Variants in ADGRF1 observed in about 807,000 individuals in gnomAD.
ADGRF1 encodes the protein G protein-coupled receptor 110.
Under a neutral mutation model 87.2 loss-of-function variants are expected in ADGRF1, and 85 were observed. The ratio of observed to expected loss-of-function variants is 0.97; its 90% CI spans 0.82 to 1.17. The LOEUF (loss-of-function observed/expected upper bound fraction) is 1.17. Among genes scored for constraint, ADGRF1 ranks in the 50% most tolerant of loss-of-function variants. The pLI, the probability that ADGRF1 is intolerant of heterozygous loss-of-function variation, is 0.00. For missense variants in ADGRF1, 1,169 were observed against 1,077.2 expected (o/e 1.09, Z -1.19); for synonymous variants, 430 against 408.8 (o/e 1.05, Z -0.63).
intron 7 of ADGRF1, chr6:47,018,647 C>T (rs1472246181): frequency 1.6e-6 from 2 of 1,277,742 alleles, no homozygotes; most frequent in East Asian, 5.6e-5. Flanking sequence ...CATGGTGACT[C>T]ATGCCTGTAA....
chr6:47,034,793 T>G (rs1261046510), intron 1 of ADGRF1, among the ~76,000 whole-genome samples: 1 of 152,208 alleles, frequency 6.6e-6, no homozygotes, highest in East Asian at 1.9e-4. Context: ...GAGTCCAGTT[T>G]GTGACCCTAC....
chr6:47,036,027 T>G (rs527520782), intron 1 of ADGRF1, among the ~76,000 whole-genome samples: 31 of 152,242 alleles, frequency 2.0e-4, no homozygotes, highest in Non-Finnish European at 4.3e-4. Context: ...GCTCAGGAGT[T>G]CGAGACCAGC....
chr6:47,009,439 A>AGT lies in ADGRF1; in HGVS notation c.1994_1995dup (p.Phe666ThrfsTer33). ...CAGAAGAACAAAGAGAGGTAGAAGA[A>AGT]GTGTGTAAAGAACACAGCAGCTGTG... On this transcript the variant is annotated frameshift_variant, in exon 11 of 15. Transcript: ENST00000371253. LOFTEE classifies it high-confidence loss of function. 1 of 1,613,948 alleles carries AGT rather than the reference A, an allele frequency of 6.2e-7. No individual in the cohort carries two copies. Among genetic ancestry groups the AGT allele is most frequent in the South Asian group, 1.1e-5 (1 of 91,050 alleles).
In ADGRF1 at chr6:47,013,218, G is replaced by A. The variant is rs79722663; in HGVS notation, c.928-1023C>T. 1.1e-4 allele frequency: 111 copies of A among 985,488 alleles called. No individual in the cohort carries two copies. The African/African-American group carries it at 1.8e-3, about 16-fold the overall frequency. The allele number at this position is 985,488 out of a possible 1,614,324, so 61.0% of individuals were successfully genotyped here. On this transcript the variant is annotated intron_variant, in intron 9 of 14. Coordinates refer to ENST00000371253, the MANE Select transcript of ADGRF1 (RefSeq NM_153840.4). ...CCAAGTGCCCGCCATTTTCCTTCTTGTTCTTCTCAACTGACAATGCTGTTT... is the reference window on the plus strand; with the variant it reads ...CCAAGTGCCCGCCATTTTCCTTCTTATTCTTCTCAACTGACAATGCTGTTT...
chr6:47,032,777 T>G (rs1327852337), intron 1 of ADGRF1, among the ~76,000 whole-genome samples: 1 of 152,228 alleles, frequency 6.6e-6, no homozygotes, highest in Non-Finnish European at 1.5e-5. Flanking sequence ...TTATAGTTAC[T>G]TGCTGGATTG....
intron 7 of ADGRF1, chr6:47,020,107 C>T (rs1780001102): frequency 9.7e-7 from 1 of 1,028,068 alleles, no homozygotes; most frequent in Non-Finnish European, 1.2e-6. Context: ...CCACTGTCAC[C>T]ATGATCTCCT....
At chr6:47,002,036 T>C (rs1190458857) in intron 13 of ADGRF1, 3 of 154,732 alleles carry the variant, frequency 1.9e-5, no homozygotes, top group Admixed American at 1.9e-4. Flanking sequence ...AGAGGCTATA[T>C]AGAGTTCAAT....
intron 9 of ADGRF1, 25 bp from the exon 10 acceptor site, chr6:47,012,220 T>C (rs772189684): frequency 6.2e-7 from 1 of 1,601,980 alleles, no homozygotes; most frequent in East Asian, 2.2e-5. Context: ...GGTTAAGTTC[T>C]AGAAAACAAT....
chr6:46,998,672 C>T lies in ADGRF1; in HGVS notation c.*1550G>A, dbSNP rs1176808991. 1 of 152,236 alleles carries T rather than the reference C, an allele frequency of 6.6e-6. No individual in the cohort carries two copies. 9.4% of individuals were successfully genotyped at this position (152,236 alleles called of 1,614,324 possible). On this transcript the variant is annotated 3_prime_UTR_variant, in exon 15 of 15. Coordinates refer to ENST00000371253, the MANE Select transcript of ADGRF1 (RefSeq NM_153840.4). ...CTGAGCTATCTGAGAAATCTTCTCT[C>T]ACTAAATTTGAGGTCAAGGAGCAGA... is the stretch of plus-strand genomic sequence containing the variant.
Position 47,027,172 on chromosome 6 carries a change from A to T in ADGRF1, c.127+532T>A, listed in dbSNP as rs115702753. 9.4e-4 allele frequency among the ~76,000 whole-genome samples: 143 copies of T among 152,352 alleles called. 1 individual carries two copies. Among genetic ancestry groups the T allele is most frequent in the African/African-American group, 3.1e-3 (130 of 41,582 alleles). ...TTTTACTGTCAGGGAAATTGTATTC[A>T]TGTCATTCCAAGTTGAAATTTTGAT... On this transcript the variant is annotated intron_variant, in intron 3 of 14. Coordinates refer to ENST00000371253, the MANE Select transcript of ADGRF1 (RefSeq NM_153840.4).
intron 2 of ADGRF1, among the ~76,000 whole-genome samples, chr6:47,028,489 C>T (rs1780311095): frequency 6.6e-6 from 1 of 152,066 alleles, no homozygotes; most frequent in Non-Finnish European, 1.5e-5. Context: ...TTCCGAGGTC[C>T]GCTGGATTCC....
At position 47,009,167 on chromosome 6, in the gene ADGRF1, A is replaced by G; in HGVS notation, c.2268T>C (p.Ala756=). The G allele has an allele frequency of 6.2e-7, 1 of 1,614,190 alleles. No homozygotes were observed. The highest frequency in any genetic ancestry group is 8.5e-7 in the Non-Finnish European group (1 of 1,180,034). ...CTAGCAGCACCACAACGAAGTTCAC[A>G]GCCACAATAGCCAGTGCAGGGACAA... ...AFVVPALAIV[A]VNFVVVLLVL... is the part of the protein sequence containing the mutation. Residue 756 remains alanine (A), a synonymous_variant, in exon 11 of 15, where the codon GCT becomes GCC. Transcript: ENST00000371253.
At position 47,009,070 on chromosome 6, in the gene ADGRF1, C is replaced by A. The variant is rs145194935; in HGVS notation, c.2365G>T (p.Val789Leu). ...SRDDKATIIRVGKSLLILTPL... is the reference protein window; with the variant it reads ...SRDDKATIIRLGKSLLILTPL... ...GTCAGAATGAGGAGGCTCTTCCCCA[C>A]GCGGATGATGGTGGCCTTGTCATCC... The change falls in exon 11 of 15, where the codon GTG becomes TTG. Residue 789 changes from valine to leucine, a missense_variant. Transcript: ENST00000371253. 1.3e-5 allele frequency: 21 copies of A among 1,613,972 alleles called. No individual in the cohort carries two copies. In the African/African-American group the frequency reaches 1.7e-4, roughly 13 times the overall value.
rs759755689 is a variant in ADGRF1, at chr6:47,016,647, C to A, written c.733G>T (p.Glu245Ter). ...KTALHKLFPL[E>*]DGSFRVFGKA... ...CCGAACACTCTGAAAGAGCCGTCTT[C>A]TAATGGAAACAGCTTGTGAAGGGCT... Residue 245 changes from glutamate to a stop codon, truncating the protein, a stop_gained, in exon 8 of 15, where the codon GAA (glutamate) becomes TAA (stop). Transcript: ENST00000371253. LOFTEE classifies it high-confidence loss of function. 1.9e-6 allele frequency: 3 copies of A among 1,610,504 alleles called. No homozygotes were observed. In the South Asian group the frequency reaches 3.3e-5, roughly 18 times the overall value.
intron 7 of ADGRF1, chr6:47,018,145 C>T (rs566200777): frequency 4.1e-6 from 1 of 240,972 alleles, no homozygotes; most frequent in African/African-American, 2.3e-5. Context: ...TGGAGACTGT[C>T]AAGTAGGCCG....
intron 1 of ADGRF1, among the ~76,000 whole-genome samples, chr6:47,040,380 G>A (rs61408725): frequency 0.095 from 14,504 of 152,082 alleles, 1,552 homozygotes; most frequent in African/African-American, 0.27. Flanking sequence ...GCTGAGGCAG[G>A]AGAATGGCGT....
chr6:47,031,800 C>A (rs1780439623), intron 1 of ADGRF1, among the ~76,000 whole-genome samples: 1 of 152,116 alleles, frequency 6.6e-6, no homozygotes, highest in Non-Finnish European at 1.5e-5. Flanking sequence ...AGTCATGGCT[C>A]ACTGCAGCCT....
At chr6:47,007,108 G>A in intron 12 of ADGRF1, 145 bp downstream of exon 12, 1 of 488,754 alleles carries the variant, frequency 2.0e-6, no homozygotes, top group South Asian at 4.7e-5. Context: ...TTCTGACTGA[G>A]CCTGACTTCT....
At chr6:47,018,729 T>A in intron 7 of ADGRF1, 1 of 339,224 alleles carries the variant, frequency 2.9e-6, no homozygotes, top group East Asian at 8.9e-5. Flanking sequence ...CTGGTCAACA[T>A]GGTGAAACCC....
Sources: allele counts gnomAD v4.1 joint callset (sites outside exome capture counted in the v4.1 genomes callset), GRCh38; gene constraint gnomAD v4.1.1; transcripts MANE v1.5; gene names NCBI Gene and HGNC (gene_info 2026-07-23, HGNC 2026-07-21).